Variants in DOCK1 observed in about 807,000 individuals in gnomAD.
DOCK1 encodes the protein dedicator of cytokinesis 1.
In DOCK1, 138 loss-of-function variants were observed where a neutral mutation model predicts 262.7. That is an observed-to-expected ratio of 0.53 (90% CI 0.46 to 0.61). DOCK1 has a LOEUF of 0.61. DOCK1 is among the 20% of genes least tolerant of loss of function. The pLI is 0.00. For synonymous variants in DOCK1, 866 were observed against 867.4 expected (o/e 1.00, Z 0.03); for missense variants, 1,908 against 2,370.7 (o/e 0.80, Z 4.05).
intron 27 of DOCK1, among the ~76,000 whole-genome samples, chr10:127,240,525 T>A (rs968369185): frequency 4.6e-5 from 7 of 152,164 alleles, no homozygotes; most frequent in Admixed American, 2.6e-4. Context: ...AATACCTGAA[T>A]CAGCCTTTTT....
At chr10:127,139,969 A>G (rs1036833676) in intron 27 of DOCK1, among the ~76,000 whole-genome samples, 5 of 152,234 alleles carry the variant, frequency 3.3e-5, no homozygotes, top group African/African-American at 1.2e-4. Flanking sequence ...ACATTTAACA[A>G]GGAAAACAAG....
intron 38 of DOCK1, among the ~76,000 whole-genome samples, chr10:127,396,489 C>T (rs2066854932): frequency 6.6e-6 from 1 of 152,212 alleles, no homozygotes; most frequent in South Asian, 2.1e-4. Context: ...GCCCATTTCT[C>T]CTCCTCTTTC....
intron 24 of DOCK1, among the ~76,000 whole-genome samples, 188 bp downstream of exon 24, chr10:127,106,489 G>A (rs550725064): frequency 6.6e-6 from 1 of 152,256 alleles, no homozygotes; most frequent in African/African-American, 2.4e-5. Flanking sequence ...TGTGGAAAAG[G>A]TATCACCAGT....
At chr10:126,908,457 C>T (rs865889716) in intron 1 of DOCK1, among the ~76,000 whole-genome samples, 15 of 152,122 alleles carry the variant, frequency 9.9e-5, no homozygotes, top group South Asian at 2.1e-4. Flanking sequence ...GAACGAATCA[C>T]GAGGGGTAAG....
intron 1 of DOCK1, among the ~76,000 whole-genome samples, chr10:126,939,699 A>G (rs1034702381): frequency 0.066 from 10,105 of 152,220 alleles, 438 homozygotes; most frequent in Middle Eastern, 0.17. Flanking sequence ...TTCAGTCCAG[A>G]TGAGTCCGAG....
chr10:127,142,464 T>C (rs1162042430), intron 27 of DOCK1, among the ~76,000 whole-genome samples: 1 of 152,144 alleles, frequency 6.6e-6, no homozygotes, highest in African/African-American at 2.4e-5. Context: ...TTCTTACTCC[T>C]GGGGAGGAGC....
chr10:126,939,768 C>T (rs1222804428), intron 1 of DOCK1, among the ~76,000 whole-genome samples: 1 of 152,210 alleles, frequency 6.6e-6, no homozygotes, highest in Non-Finnish European at 1.5e-5. Flanking sequence ...ATTAGTGCTG[C>T]TGCTTTCATT....
At chr10:127,084,429 G>A (rs1019501350) in intron 23 of DOCK1, among the ~76,000 whole-genome samples, 2 of 152,184 alleles carry the variant, frequency 1.3e-5, no homozygotes, top group South Asian at 2.1e-4. Flanking sequence ...TACTGGGGTC[G>A]TGGCTGTCCT....
chr10:127,396,511 G>A (rs561180532), intron 38 of DOCK1, among the ~76,000 whole-genome samples: 3 of 152,058 alleles, frequency 2.0e-5, no homozygotes, highest in Non-Finnish European at 4.4e-5. Context: ...ACAACACTCC[G>A]TAAAGGATGG....
intron 21 of DOCK1, among the ~76,000 whole-genome samples, chr10:127,047,713 G>A (rs1197335945): frequency 1.3e-5 from 2 of 152,122 alleles, no homozygotes; most frequent in Non-Finnish European, 2.9e-5. Context: ...GTTTCTGTTA[G>A]GAATGTGTTT....
chr10:127,439,116 A>G lies in DOCK1; in HGVS notation c.5150A>G (p.Asp1717Gly), dbSNP rs2069896450. 1 of 1,587,598 alleles carries G rather than the reference A, an allele frequency of 6.3e-7. No individual in the cohort carries two copies. Among genetic ancestry groups the G allele is most frequent in the Admixed American group, 1.8e-5 (1 of 55,774 alleles). ...GATGACCTGGAGAAGGAGAAGAAGGACAAGAAGAAGGAAAAAAGGAACAGC... is the reference window on the plus strand; with the variant it reads ...GATGACCTGGAGAAGGAGAAGAAGGGCAAGAAGAAGGAAAAAAGGAACAGC... The part of the protein sequence containing the change: ...DKDDLEKEKK[D>G]KKKEKRNSKH... Residue 1717 changes from aspartate to glycine, a missense_variant, in exon 49 of 52, where the codon GAC becomes GGC. Physicochemically the swap from Asp to Gly is moderately conservative, Grantham distance 94 (BLOSUM62 -1). Coordinates refer to ENST00000623213, the MANE Select transcript of DOCK1 (RefSeq NM_001290223.2).
intron 19 of DOCK1, among the ~76,000 whole-genome samples, chr10:127,040,518 C>T (rs35039157): frequency 0.17 from 25,616 of 152,122 alleles, 2,331 homozygotes; most frequent in South Asian, 0.32. Flanking sequence ...CCGAAGGAGG[C>T]GGGCGAGGCT....
rs1564858495 is a variant in DOCK1 at position 127,165,890 on chromosome 10, G to A, written c.2847+38126G>A. ...TTTATTTATGGGACCCTCTCAATGA[G>A]GGGATCTCTGCTGTCTCTAGCACCG... On this transcript the variant is annotated intron_variant, in intron 27 of 51. Coordinates refer to ENST00000623213, the MANE Select transcript of DOCK1 (RefSeq NM_001290223.2). 2.0e-5 allele frequency among the ~76,000 whole-genome samples: 3 copies of A among 152,292 alleles called. No homozygotes were observed. In the East Asian group the frequency reaches 5.8e-4, roughly 29 times the overall value.
chr10:127,081,867 A>G (rs769812184), intron 23 of DOCK1, among the ~76,000 whole-genome samples: 19 of 152,120 alleles, frequency 1.2e-4, no homozygotes, highest in Non-Finnish European at 1.9e-4. Context: ...AAATGTCCCA[A>G]ATGTCCTCTC....
At chr10:127,184,948 A>G (rs2056091437) in intron 27 of DOCK1, among the ~76,000 whole-genome samples, 1 of 152,288 alleles carries the variant, frequency 6.6e-6, no homozygotes, top group Middle Eastern at 3.4e-3. Flanking sequence ...AAAACAAGGC[A>G]TACTCTTTGG....
chr10:127,105,104 A>G lies in DOCK1; in HGVS notation c.2446-1127A>G, dbSNP rs1379728156. Among the ~76,000 whole-genome samples, 9 of 152,308 alleles carry G rather than the reference A, an allele frequency of 5.9e-5. 2 individuals carry two copies. In the East Asian group the frequency reaches 9.6e-4, roughly 16 times the overall value. ...AAGCCTCCTGAGATCTGATGGTTTTATAAGGCGCAATTCCCTTGCACAAAC... is the reference window on the plus strand; with the variant it reads ...AAGCCTCCTGAGATCTGATGGTTTTGTAAGGCGCAATTCCCTTGCACAAAC... On this transcript the variant is annotated intron_variant, in intron 23 of 51. Coordinates refer to ENST00000623213, the MANE Select transcript of DOCK1 (RefSeq NM_001290223.2).
At chr10:127,314,261 G>A (rs1415866173) in intron 29 of DOCK1, among the ~76,000 whole-genome samples, 4 of 152,310 alleles carry the variant, frequency 2.6e-5, no homozygotes, top group Middle Eastern at 3.4e-3. Flanking sequence ...GCACTGGGCA[G>A]GAGTGTGTGT....
At chr10:127,017,510 G>C (rs375850794) in intron 12 of DOCK1, among the ~76,000 whole-genome samples, 6 of 127,168 alleles carry the variant, frequency 4.7e-5, no homozygotes, top group African/African-American at 1.8e-4. Flanking sequence ...GACACACACA[G>C]ACACACACGT....
At chr10:127,391,895 C>G (rs1238378750) in intron 38 of DOCK1, among the ~76,000 whole-genome samples, 1 of 152,018 alleles carries the variant, frequency 6.6e-6, no homozygotes, top group South Asian at 2.1e-4. Flanking sequence ...TGGATCACAG[C>G]GTGAACTGCT....
Sources: gnomAD v4.1 joint callset for allele counts (sites outside exome capture counted in the v4.1 genomes callset) on GRCh38, gnomAD v4.1.1 for gene constraint, MANE v1.5 for transcripts, NCBI Gene and HGNC (gene_info 2026-07-23, HGNC 2026-07-21) for gene names.